The following TAF1C variants were observed in gnomAD, a reference collection of about 807,000 sequenced individuals.
The protein encoded by TAF1C is TATA-box binding protein associated factor, RNA polymerase I subunit C.
Under a neutral mutation model 70.5 loss-of-function variants are expected in TAF1C, and 79 were observed. That is an observed-to-expected ratio of 1.12 (90% CI 0.93 to 1.35). TAF1C has a LOEUF of 1.35. Among genes scored for constraint, TAF1C ranks in the 40% most tolerant of loss-of-function variants. TAF1C has a pLI of 0.00. For missense variants in TAF1C, 1,412 were observed against 1,127.8 expected, an observed-to-expected ratio of 1.25 and a Z score of -3.61; for synonymous variants, 614 against 491.1, an observed-to-expected ratio of 1.25 and a Z score of -3.31.
Position 84,179,590 on chromosome 16 carries a change from G to A in TAF1C, c.1883C>T (p.Thr628Ile). ...CTGGCGGTGGGTGAAGGTGGGTGCT[G>A]TCCACACAGGAGGAGCCAGGGGCAC... is the stretch of plus-strand genomic sequence containing the variant. ...LKVPLAPPVW[T>I]APTFTHRQML... Residue 628 changes from threonine (T) to isoleucine (I), a missense_variant, in exon 15 of 15, where the codon ACA (threonine) becomes ATA (isoleucine). Thr to Ile is a moderately conservative substitution (Grantham distance 89). Coordinates refer to ENST00000566732, the MANE Select transcript of TAF1C (RefSeq NM_001243156.2). 8.1e-6 allele frequency: 13 copies of A among 1,612,700 alleles called. No individual in the cohort carries two copies. The highest frequency in any genetic ancestry group is 1.1e-5 in the Non-Finnish European group (13 of 1,179,912).
chr16:84,180,260 C>T lies in TAF1C; in HGVS notation c.1393G>A (p.Ala465Thr), dbSNP rs567407566. 168 of 1,545,640 alleles carry T rather than the reference C, an allele frequency of 1.1e-4. 1 individual carries two copies. The South Asian group carries it at 1.9e-3, about 17-fold the overall frequency. Residue 465 changes from alanine to threonine, a missense_variant, in exon 13 of 15, where the codon GCC becomes ACC. Ala to Thr is a moderately conservative substitution (Grantham distance 58, BLOSUM62 0). Transcript: ENST00000566732. ...NHGLPSPLLL[A>T]RLLPPPRPSC... is the part of the protein sequence containing the mutation. ...GGCCGGGGCGGAGGCAGCAGTCGGG[C>T]CAGCAGGAGCGGGGAGGGGAGGCCA...
At chr16:84,183,912 G>A (rs2089344223) in intron 2 of TAF1C, 134 bp from the exon 3 acceptor site, 2 of 633,720 alleles carry the variant, frequency 3.2e-6, no homozygotes, top group Admixed American at 3.0e-5. Context: ...GACTGGCATT[G>A]TCATTTTACT....
intron 2 of TAF1C, 53 bp from the exon 3 acceptor site, chr16:84,183,831 C>CA: frequency 7.1e-7 from 1 of 1,415,294 alleles, no homozygotes; most frequent in Non-Finnish European, 9.8e-7. Context: ...CCTCCCTGGG[C>CA]CAGGCTGTGC....
Position 84,183,785 on chromosome 16 carries a change from G to A in TAF1C, c.139-7C>T. 6.8e-6 allele frequency: 11 copies of A among 1,606,370 alleles called. No individual in the cohort carries two copies. The highest frequency in any genetic ancestry group is 9.4e-6 in the Non-Finnish European group (11 of 1,174,400). On this transcript the variant is annotated splice_polypyrimidine_tract_variant and splice_region_variant and intron_variant, in intron 2 of 14. Coordinates refer to ENST00000566732, the MANE Select transcript of TAF1C (RefSeq NM_001243156.2). ...TCACATGCAGTGCCCCATTCTGAAG[G>A]GAGGACAATCGCAAGGACAGTATCA... is the stretch of plus-strand genomic sequence containing the variant.
At chr16:84,186,674 C>G (rs1346786221) in intron 1 of TAF1C, among the ~76,000 whole-genome samples, 2 of 152,266 alleles carry the variant, frequency 1.3e-5, no homozygotes, top group African/African-American at 4.8e-5. Flanking sequence ...AAGGCAGCCT[C>G]GACTTCCCCG....
At position 84,179,318 on chromosome 16, in the gene TAF1C, TC is replaced by T; in HGVS notation, c.2154del (p.Arg719AspfsTer54). 6.3e-7 allele frequency: 1 copy of T among 1,599,952 alleles called. No individual in the cohort carries two copies. On this transcript the variant is annotated frameshift_variant, in exon 15 of 15. Coordinates refer to ENST00000566732, the MANE Select transcript of TAF1C (RefSeq NM_001243156.2). LOFTEE classifies it low-confidence loss of function (END_TRUNC). ...CGGCGCTTGGGCCGCCTGGTCTGTC[TC>T]CCGGGCTCCGAGGTCCTGCCCTGCT... ...ERQQGRTSEP[G>X]RQTRRPKRRT... is the part of the protein sequence containing the mutation.
chr16:84,182,368 C>A lies in TAF1C; in HGVS notation c.555G>T (p.Ser185=), dbSNP rs34495611. The change falls in exon 7 of 15, where the codon TCG becomes TCT. Residue 185 remains serine, a synonymous_variant. Transcript: ENST00000566732. This position sits in a 1 kb window ranked among gnomAD's most constrained non-coding sequence, Gnocchi z 5.0. ...GCAGCTCTGCCAAGTGGCTCGCCACCGACGTGCCCAGGATGGGGCCCCCGA... is the reference window on the plus strand; with the variant it reads ...GCAGCTCTGCCAAGTGGCTCGCCACAGACGTGCCCAGGATGGGGCCCCCGA... ...SILGGPILGT[S]VASHLAELLH... is the part of the protein sequence containing the mutation. 46 of 1,609,390 alleles carry A rather than the reference C, an allele frequency of 2.9e-5. No homozygotes were observed. In the African/African-American group the frequency reaches 3.2e-4, roughly 11 times the overall value.
rs1487530361 is a variant in TAF1C, at chr16:84,182,230, G to A, written c.693C>T (p.Tyr231=). The change falls in exon 7 of 15, where the codon TAC becomes TAT. Residue 231 remains tyrosine (Y), a synonymous_variant. Coordinates refer to ENST00000566732, the MANE Select transcript of TAF1C (RefSeq NM_001243156.2). This position sits in a 1 kb window ranked among gnomAD's most constrained non-coding sequence, Gnocchi z 5.0. ...GRTPQFGQLV[Y]PAGGAQDRLH... ...GCCTGTCCTGGGCGCCTCCAGCAGG[G>A]TAGACCAGCTGCCCGAACTGGGGTG... is the stretch of plus-strand genomic sequence containing the variant. 4 of 1,612,668 alleles carry A rather than the reference G, an allele frequency of 2.5e-6. No homozygotes were observed. Among genetic ancestry groups the A allele is most frequent in the Non-Finnish European group, 3.4e-6 (4 of 1,179,816 alleles).
chr16:84,179,549 C>T lies in TAF1C; in HGVS notation c.1924G>A (p.Glu642Lys), dbSNP rs1290760717. The change falls in exon 15 of 15, where the codon GAG (glutamate) becomes AAG (lysine). Residue 642 changes from glutamate (E) to lysine (K), a missense_variant. By Grantham distance (56) the Glu-to-Lys change is moderately conservative. Coordinates refer to ENST00000566732, the MANE Select transcript of TAF1C (RefSeq NM_001243156.2). Reference sequence around the variant, plus strand: ...CCTTCCTCTTCCTCCCTCCGCAGCTCTGTGCTGCCCAGCATCTGGCGGTGG... The same window carrying T: ...CCTTCCTCTTCCTCCCTCCGCAGCTTTGTGCTGCCCAGCATCTGGCGGTGG... The part of the protein sequence containing the change: ...FTHRQMLGST[E>K]LRREEEEGQR... The T allele has an allele frequency of 6.2e-7, 1 of 1,611,916 alleles. No individual in the cohort carries two copies. Among genetic ancestry groups the T allele is most frequent in the Non-Finnish European group, 8.5e-7 (1 of 1,179,546 alleles).
In TAF1C at chr16:84,181,318, C is replaced by T. The variant is rs766357345; in HGVS notation, c.1164+10G>A. The T allele has an allele frequency of 1.1e-5, 17 of 1,612,032 alleles. No homozygotes were observed. In the African/African-American group the frequency reaches 1.5e-4, roughly 14 times the overall value. ...GCAGTCGGGGTGGGTCCTCTGCCGCCAGCCCGTACCTGAGTGTCCAGCATC... is the reference window on the plus strand; with the variant it reads ...GCAGTCGGGGTGGGTCCTCTGCCGCTAGCCCGTACCTGAGTGTCCAGCATC... On this transcript the variant is annotated intron_variant, in intron 11 of 14. Coordinates refer to ENST00000566732, the MANE Select transcript of TAF1C (RefSeq NM_001243156.2).
At position 84,180,049 on chromosome 16, in the gene TAF1C, G is replaced by A. The variant is rs2089047509; in HGVS notation, c.1518C>T (p.Pro506=). The A allele has an allele frequency of 6.2e-7, 1 of 1,606,908 alleles. No individual in the cohort carries two copies. The change falls in exon 14 of 15, where the codon CCC becomes CCT. Residue 506 remains proline (P), a synonymous_variant. Transcript: ENST00000566732. The part of the protein sequence containing the change: ...EGASVPRLAG[P]PQSLPSRIDS... ...CGATCCTGGAAGGAAGAGACTGGGGGGGGCCTGCCAGGCGGGGCACCGACG... is the reference window on the plus strand; with the variant it reads ...CGATCCTGGAAGGAAGAGACTGGGGAGGGCCTGCCAGGCGGGGCACCGACG...
rs374495881 is a variant in TAF1C, at chr16:84,182,373, T to C, written c.550A>G (p.Thr184Ala). 1.9e-6 allele frequency: 3 copies of C among 1,608,848 alleles called. No homozygotes were observed. In the African/African-American group the frequency reaches 4.0e-5, roughly 22 times the overall value. ...TCTGCCAAGTGGCTCGCCACCGACG[T>C]GCCCAGGATGGGGCCCCCGAGGATA... is the stretch of plus-strand genomic sequence containing the variant. The part of the protein sequence containing the change: ...FSILGGPILG[T>A]SVASHLAELL... Residue 184 changes from threonine (T) to alanine (A), a missense_variant, in exon 7 of 15, where the codon ACG (threonine) becomes GCG (alanine). By Grantham distance (58) the Thr-to-Ala change is moderately conservative (BLOSUM62 0). Transcript: ENST00000566732. This position sits in a 1 kb window ranked among gnomAD's most constrained non-coding sequence, Gnocchi z 5.0.
At chr16:84,184,051 CAAAG>C (rs1248843266) in intron 2 of TAF1C, among the ~76,000 whole-genome samples, 5 of 152,224 alleles carry the variant, frequency 3.3e-5, no homozygotes, top group African/African-American at 1.2e-4. Flanking sequence ...TGCTGGCTCT[CAAAG>C]AAGGAAGCCC....
intron 10 of TAF1C, 63 bp from the exon 11 acceptor site, chr16:84,181,526 G>A (rs1390789313): frequency 2.0e-5 from 33 of 1,613,734 alleles, no homozygotes; most frequent in African/African-American, 2.7e-5. Context: ...CTCAAGGGTC[G>A]CGACATGCTC....
rs199976567 is a variant in TAF1C, at chr16:84,179,269, G to A, written c.2204C>T (p.Ser735Leu). Residue 735 changes from serine to leucine, a missense_variant, in exon 15 of 15, where the codon TCG becomes TTG. Transcript: ENST00000566732. The stretch of plus-strand genomic sequence containing the variant: ...TGAGGGATCCACATGGCCACTGAGC[G>A]AAAAGCTGCTGGACAGCTGGGTCCG... Reference protein sequence around the residue: ...KRRTQLSSSFSLSGHVDPSED... With the variant: ...KRRTQLSSSFLLSGHVDPSED... 2.2e-3 allele frequency: 3,527 copies of A among 1,586,980 alleles called. 4 individuals are homozygous for A. Among genetic ancestry groups the A allele is most frequent in the Non-Finnish European group, 2.7e-3 (3,154 of 1,172,790 alleles).
In TAF1C at chr16:84,179,768, A is replaced by G. The variant is rs746937056; in HGVS notation, c.1705T>C (p.Phe569Leu). The G allele has an allele frequency of 1.2e-6, 2 of 1,609,996 alleles. No homozygotes were observed. Among genetic ancestry groups the G allele is most frequent in the Admixed American group, 3.4e-5 (2 of 59,576 alleles). ...LFQLSAAGDV[F>L]YQQLRPQVDS... ...ACCTGGGGGCGGAGCTGCTGGTAGAAGACATCTCCCGCCGCCGAGAGCTGG... is the reference window on the plus strand; with the variant it reads ...ACCTGGGGGCGGAGCTGCTGGTAGAGGACATCTCCCGCCGCCGAGAGCTGG... The change falls in exon 15 of 15, where the codon TTC (phenylalanine) becomes CTC (leucine). Residue 569 changes from phenylalanine (F) to leucine (L), a missense_variant. Phe to Leu is a conservative substitution (Grantham distance 22). Coordinates refer to ENST00000566732, the MANE Select transcript of TAF1C (RefSeq NM_001243156.2).
At chr16:84,184,353 C>T (rs898605880) in intron 2 of TAF1C, among the ~76,000 whole-genome samples, 3 of 152,200 alleles carry the variant, frequency 2.0e-5, no homozygotes, top group Non-Finnish European at 1.5e-5. Flanking sequence ...TTGCCTCTGC[C>T]AGGCTTCATT....
chr16:84,183,450 T>C lies in TAF1C; in HGVS notation c.278A>G (p.Tyr93Cys), dbSNP rs907813917. The stretch of plus-strand genomic sequence containing the variant: ...CAGCACGACTCGGGGCCGCTTCCGA[T>C]ACCGGCACCCTCCGCGGAAAAGCAG... ...RDLLFRGGCR[Y>C]RKRPRVVLDV... The change falls in exon 4 of 15, where the codon TAT becomes TGT. Residue 93 changes from tyrosine (Y) to cysteine (C), a missense_variant. Tyr to Cys is a radical substitution (Grantham distance 194). Transcript: ENST00000566732. 1 of 1,612,722 alleles carries C rather than the reference T, an allele frequency of 6.2e-7. No homozygotes were observed. The highest frequency in any genetic ancestry group is 1.3e-5 in the African/African-American group (1 of 75,018).
rs550608984 is a variant in TAF1C at position 84,181,737 on chromosome 16, C to G, written c.956+9G>C. 3 of 1,613,870 alleles carry G rather than the reference C, an allele frequency of 1.9e-6. No homozygotes were observed. The highest frequency in any genetic ancestry group is 3.3e-5 in the Admixed American group (2 of 60,008). Reference sequence around the variant, plus strand: ...GCCCCTCCTCACCGACCAACCTGACCCCCCTCACCTGAGGCTGATCCCCGT... The same window carrying G: ...GCCCCTCCTCACCGACCAACCTGACGCCCCTCACCTGAGGCTGATCCCCGT... On this transcript the variant is annotated intron_variant, in intron 9 of 14. Coordinates refer to ENST00000566732, the MANE Select transcript of TAF1C (RefSeq NM_001243156.2).
Sources: allele counts gnomAD v4.1 joint callset (sites outside exome capture counted in the v4.1 genomes callset), GRCh38; gene constraint gnomAD v4.1.1; non-coding constraint Gnocchi (gnomAD v3.1); transcripts MANE v1.5; gene names NCBI Gene and HGNC (gene_info 2026-07-23, HGNC 2026-07-21).